The following PRH1 variants were observed in gnomAD, a reference collection of about 807,000 sequenced individuals.
PRH1 encodes the protein salivary acidic proline-rich phosphoprotein 1/2.
A neutral mutation model predicts 7.9 loss-of-function variants in PRH1; 7 were observed. The observed-to-expected ratio is 0.89, with a 90% confidence interval of 0.50 to 1.67. PRH1 has a LOEUF of 1.67. PRH1 is among the 40% of genes most tolerant of loss of function. The pLI is 0.00. For synonymous variants in PRH1, 45 were observed against 80.8 expected (o/e 0.56, Z 2.38); for missense variants, 109 against 223.6 (o/e 0.49, Z 3.27).
At chr12:10,938,576 T>C (rs111614880) in intron 2 of PRH1, 1 of 1,614,004 alleles carries the variant, frequency 6.2e-7, no homozygotes, top group Non-Finnish European at 8.5e-7. Flanking sequence ...GTGCTGCATC[T>C]TCTTGCGATG....
intron 2 of PRH1, among the ~76,000 whole-genome samples, chr12:10,954,745 G>C (rs1937869172): frequency 6.6e-6 from 1 of 152,102 alleles, no homozygotes; most frequent in Non-Finnish European, 1.5e-5. Flanking sequence ...CTGAAGTGCT[G>C]GTATTACAAG....
chr12:10,927,041 G>A (rs539757027), intron 2 of PRH1, among the ~76,000 whole-genome samples: 1 of 152,214 alleles, frequency 6.6e-6, no homozygotes, highest in South Asian at 2.1e-4. Context: ...CTTTTGATTT[G>A]GCTGGTGAGA....
Position 11,091,727 on chromosome 12 carries a change from A to C in PRH1, n.124-44539T>G, listed in dbSNP as rs546783266. ...ATTTGAAAAGTACATTGCACTCTTC[A>C]ATTTGATCTTCCAAGTCATGTTTCC... On this transcript the variant is annotated intron_variant and non_coding_transcript_variant, in intron 1 of 4. Transcript: ENST00000541977. The C allele has an allele frequency of 7.9e-5, 102 of 1,298,594 alleles. 32 individuals carry two copies. Among genetic ancestry groups the C allele is most frequent in the Non-Finnish European group, 1.1e-4 (101 of 914,648 alleles). The allele number at this position is 1,298,594 out of a possible 1,614,324, so 80.4% of individuals were successfully genotyped here. A position where few individuals can be genotyped will look rare whatever the true frequency, so the allele number is the denominator to read the frequency against.
At chr12:11,133,687 T>A (rs778734542) in intron 1 of PRH1, 1 of 1,614,182 alleles carries the variant, frequency 6.2e-7, no homozygotes. Context: ...GAGTGAGGGG[T>A]ACAAAGTTTG....
intron 1 of PRH1, chr12:11,034,688 G>C: frequency 6.6e-6 from 1 of 151,988 alleles, no homozygotes; most frequent in East Asian, 1.9e-4. Context: ...GCTGGGGCAG[G>C]AGCACCCAGG....
In PRH1 at chr12:11,131,969, C is replaced by A. The variant is rs777484919; in HGVS notation, n.40-10789G>T. 2.0e-5 allele frequency among the ~76,000 whole-genome samples: 3 copies of A among 152,276 alleles called. No individual in the cohort carries two copies. The South Asian group carries it at 6.2e-4, about 32-fold the overall frequency. ...TCCTGGGAGTCAACAGAAAGCCTGACAGACACGATCTCTTCTTTTATGGTT... is the reference window on the plus strand; with the variant it reads ...TCCTGGGAGTCAACAGAAAGCCTGAAAGACACGATCTCTTCTTTTATGGTT... On this transcript the variant is annotated intron_variant and non_coding_transcript_variant, in intron 1 of 1. Coordinates refer to the PRH1 transcript ENST00000541175.
At chr12:11,143,315 T>C (rs1485212175) in intron 1 of PRH1, among the ~76,000 whole-genome samples, 2 of 152,078 alleles carry the variant, frequency 1.3e-5, no homozygotes, top group East Asian at 3.8e-4. Flanking sequence ...CAAGATAGTA[T>C]TTGCAAGCCT....
At chr12:11,124,530 G>A (rs1946038323) in intron 1 of PRH1, among the ~76,000 whole-genome samples, 1 of 152,244 alleles carries the variant, frequency 6.6e-6, no homozygotes, top group Non-Finnish European at 1.5e-5. Context: ...CTTCAGCAAT[G>A]TATTTTAAAC....
chr12:11,045,431 A>C (rs1322869001), intron 1 of PRH1, among the ~76,000 whole-genome samples: 2 of 152,134 alleles, frequency 1.3e-5, no homozygotes, highest in East Asian at 3.8e-4. Flanking sequence ...AAAGAGTATA[A>C]CTGAATTGTT....
intron 1 of PRH1, among the ~76,000 whole-genome samples, chr12:10,998,316 C>G (rs1156462328): frequency 1.3e-5 from 2 of 151,988 alleles, no homozygotes; most frequent in African/African-American, 4.8e-5. Context: ...ACATAGATGA[C>G]ACAAAAAATA....
downstream of PRH1, among the ~76,000 whole-genome samples, chr12:11,117,808 T>C (rs1240738610): frequency 1.3e-5 from 2 of 152,102 alleles, no homozygotes; most frequent in Non-Finnish European, 2.9e-5. Flanking sequence ...GCCAAGAACG[T>C]ACACTGGAAA....
chr12:11,112,241 C>T (rs1001416687), intron 1 of PRH1, among the ~76,000 whole-genome samples: 1 of 152,178 alleles, frequency 6.6e-6, no homozygotes, highest in Middle Eastern at 3.2e-3. Context: ...GGAGATGGTA[C>T]CATTCTTTCT....
chr12:10,984,197 T>G (rs1939496218), intron 1 of PRH1, among the ~76,000 whole-genome samples: 1 of 152,178 alleles, frequency 6.6e-6, no homozygotes, highest in South Asian at 2.1e-4. Context: ...TACCAAAATC[T>G]TTTATATTGA....
chr12:11,127,211 A>AT (rs1333375366), intron 1 of PRH1, among the ~76,000 whole-genome samples: 1 of 152,288 alleles, frequency 6.6e-6, no homozygotes, highest in Non-Finnish European at 1.5e-5. Flanking sequence ...TTGTTATAAG[A>AT]TAAAATTTTT....
At chr12:11,039,456 T>A (rs1198508013) in intron 1 of PRH1, among the ~76,000 whole-genome samples, 8 of 152,252 alleles carry the variant, frequency 5.3e-5, no homozygotes, top group Non-Finnish European at 7.3e-5. Context: ...TTCCACATCG[T>A]TGTTGAAGTA....
intron 1 of PRH1, chr12:11,022,450 A>C (rs1433611670): frequency 6.2e-7 from 1 of 1,614,134 alleles, no homozygotes; most frequent in Non-Finnish European, 8.5e-7. Context: ...AGCTGAGGAG[A>C]TCTTTCGTGT....
At chr12:11,160,985 G>C (rs1486814884) in intron 1 of PRH1, among the ~76,000 whole-genome samples, 1 of 152,010 alleles carries the variant, frequency 6.6e-6, no homozygotes, top group Non-Finnish European at 1.5e-5. Flanking sequence ...TTTTTTCTAA[G>C]CATATAGACT....
intron 1 of PRH1, among the ~76,000 whole-genome samples, chr12:10,976,139 G>GC (rs1480258182): frequency 6.6e-6 from 1 of 152,024 alleles, no homozygotes; most frequent in Non-Finnish European, 1.5e-5. Context: ...TCTGTACATG[G>GC]CATGTAATCT....
At chr12:11,171,239 G>A (rs1365732676) in intron 1 of PRH1, 1 of 611,300 alleles carries the variant, frequency 1.6e-6, no homozygotes, top group Non-Finnish European at 2.4e-6. Flanking sequence ...GCAAGCTTGG[G>A]TGTGAGCCCG....
Sources: gnomAD v4.1 joint callset for allele counts (sites outside exome capture counted in the v4.1 genomes callset) on GRCh38, gnomAD v4.1.1 for gene constraint, MANE v1.5 for transcripts, NCBI Gene and HGNC (gene_info 2026-07-23, HGNC 2026-07-21) for gene names.